Variants in MOBP observed in about 807,000 individuals in gnomAD.
The protein encoded by MOBP is myelin-associated oligodendrocyte basic protein.
In MOBP, 5 loss-of-function variants were observed where a neutral mutation model predicts 15.0. That is an observed-to-expected ratio of 0.33 (90% CI 0.17 to 0.70). The LOEUF (loss-of-function observed/expected upper bound fraction) is 0.70, where lower values mean the gene tolerates loss of function less well. Ranked by LOEUF, MOBP falls within the 30% of genes least tolerant of loss-of-function variation. The pLI, the probability that MOBP is intolerant of heterozygous loss-of-function variation, is 0.67. For synonymous variants in MOBP, 88 were observed against 99.0 expected (o/e 0.89, Z 0.66); for missense variants, 188 against 257.8 (o/e 0.73, Z 1.85).
intron 2 of MOBP, among the ~76,000 whole-genome samples, chr3:39,487,518 CTTTTTTTTTTT>C (rs1216386382): frequency 8.8e-5 from 9 of 102,476 alleles, no homozygotes; most frequent in East Asian, 2.7e-4. Flanking sequence ...AATTTTCTTT[CTTTTTTTTTTT>C]TTTTTTTTTT....
intron 1 of MOBP, among the ~76,000 whole-genome samples, chr3:39,477,905 A>C (rs2042565800): frequency 6.6e-6 from 1 of 152,082 alleles, no homozygotes; most frequent in African/African-American, 2.4e-5. Context: ...ATATAAAGAC[A>C]AAATACTTTT....
chr3:39,471,009 T>C (rs2042461556), intron 1 of MOBP, among the ~76,000 whole-genome samples: 1 of 152,202 alleles, frequency 6.6e-6, no homozygotes, highest in African/African-American at 2.4e-5. Context: ...GACCATCCAT[T>C]GTTCAGGGCG....
chr3:39,485,554 C>T (rs369374702), intron 2 of MOBP, among the ~76,000 whole-genome samples: 7 of 152,234 alleles, frequency 4.6e-5, no homozygotes, highest in African/African-American at 1.4e-4. Flanking sequence ...AAACCTGGGC[C>T]GGTAATGGAA....
rs1045958714 is a variant in MOBP, at chr3:39,480,085, A to T, written c.-43A>T. On this transcript the variant is annotated 5_prime_UTR_variant, in exon 2 of 4. It introduces an in-frame stop codon into an upstream open reading frame of the 5' UTR. Coordinates refer to ENST00000684792, the MANE Select transcript of MOBP (RefSeq NM_001393704.1). ...AATGATACCAAGACAAGCTCATAAC[A>T]GAGATCCAATCAGCAGATGTGTACG... 1 of 152,124 alleles carries T rather than the reference A, an allele frequency of 6.6e-6. No homozygotes were observed. The highest frequency in any genetic ancestry group is 2.4e-5 in the African/African-American group (1 of 41,422). The allele number at this position is 152,124 out of a possible 1,614,324, so 9.4% of individuals were successfully genotyped here.
intron 1 of MOBP, among the ~76,000 whole-genome samples, chr3:39,469,585 C>T (rs1451797931): frequency 6.6e-6 from 1 of 152,044 alleles, no homozygotes; most frequent in African/African-American, 2.4e-5. Flanking sequence ...GGAACCACAC[C>T]TGAGGCAGCT....
intron 1 of MOBP, among the ~76,000 whole-genome samples, chr3:39,479,771 A>G (rs1331972549): frequency 6.6e-6 from 1 of 151,678 alleles, no homozygotes; most frequent in African/African-American, 2.4e-5. Context: ...AGAACTACAG[A>G]TTTTCTATAT....
chr3:39,519,141 A>G (rs1457322270), downstream of MOBP, among the ~76,000 whole-genome samples: 1 of 152,226 alleles, frequency 6.6e-6, no homozygotes, highest in Admixed American at 6.5e-5. Context: ...AAAGCCTGGT[A>G]TCCTGCCCTG....
intron 2 of MOBP, among the ~76,000 whole-genome samples, chr3:39,488,597 G>A (rs2042749706): frequency 6.6e-6 from 1 of 152,148 alleles, no homozygotes; most frequent in African/African-American, 2.4e-5. Context: ...TAACCTGTGT[G>A]GAACATAGTA....
At chr3:39,503,452 T>C (rs17756489), downstream of MOBP, among the ~76,000 whole-genome samples, 52,587 of 152,000 alleles carry the variant, frequency 0.35, 10,530 homozygotes, top group East Asian at 0.58. Context: ...AATAAGAGAA[T>C]AGGTGTCATC....
intron 2 of MOBP, among the ~76,000 whole-genome samples, chr3:39,501,782 A>G (rs1260333438): frequency 1.3e-5 from 2 of 152,220 alleles, no homozygotes; most frequent in African/African-American, 4.8e-5. Flanking sequence ...ATGTTTTCCT[A>G]TCTTACATGG....
chr3:39,509,518 G>A (rs1166530104), intron 4 of MOBP, among the ~76,000 whole-genome samples: 1 of 151,932 alleles, frequency 6.6e-6, no homozygotes, highest in Non-Finnish European at 1.5e-5. Flanking sequence ...ACACTTATTT[G>A]GTGAAATCTC....
chr3:39,520,844 C>T (rs1453385699), downstream of MOBP, among the ~76,000 whole-genome samples: 1 of 152,096 alleles, frequency 6.6e-6, no homozygotes, highest in Non-Finnish European at 1.5e-5. Context: ...CTTCTCCCTT[C>T]TGACTTGAAA....
At chr3:39,520,578 G>GT (rs2043254224), downstream of MOBP, among the ~76,000 whole-genome samples, 1 of 76,804 alleles carries the variant, frequency 1.3e-5, no homozygotes, top group Non-Finnish European at 2.3e-5. Context: ...GTGTGTATGA[G>GT]AGAGAGAGAG....
At chr3:39,491,605 T>G (rs541329068) in intron 2 of MOBP, among the ~76,000 whole-genome samples, 7 of 152,288 alleles carry the variant, frequency 4.6e-5, no homozygotes, top group Non-Finnish European at 1.0e-4. Context: ...ACCAGACAAC[T>G]CAGACCATTG....
chr3:39,519,670 C>A (rs2043242702), downstream of MOBP, among the ~76,000 whole-genome samples: 1 of 152,102 alleles, frequency 6.6e-6, no homozygotes, highest in Admixed American at 6.5e-5. Context: ...ACTCAAAGAT[C>A]AAGTGCTTTC....
At chr3:39,520,359 A>G (rs1237294109), downstream of MOBP, among the ~76,000 whole-genome samples, 3 of 152,142 alleles carry the variant, frequency 2.0e-5, no homozygotes, top group Non-Finnish European at 4.4e-5. Context: ...TATTGCTTGC[A>G]TTGTTTTTAA....
intron 4 of MOBP, among the ~76,000 whole-genome samples, chr3:39,511,332 C>G (rs1262838650): frequency 1.3e-5 from 2 of 152,190 alleles, no homozygotes; most frequent in Non-Finnish European, 2.9e-5. Context: ...CTACATGGCC[C>G]TGAATTATCT....
downstream of MOBP, chr3:39,527,359 T>TGACA (rs887464697): frequency 1.3e-5 from 2 of 152,036 alleles, no homozygotes; most frequent in African/African-American, 4.8e-5. Flanking sequence ...TGGAGAAAAT[T>TGACA]GACAGATAAT....
At chr3:39,496,882 C>T (rs1373871181) in intron 2 of MOBP, among the ~76,000 whole-genome samples, 1 of 152,078 alleles carries the variant, frequency 6.6e-6, no homozygotes, top group Non-Finnish European at 1.5e-5. Flanking sequence ...CTGCTGGTCT[C>T]GAACTCCCAA....
Sources: allele counts gnomAD v4.1 joint callset (sites outside exome capture counted in the v4.1 genomes callset), GRCh38; gene constraint gnomAD v4.1.1; transcripts MANE v1.5; gene names NCBI Gene and HGNC (gene_info 2026-07-23, HGNC 2026-07-21).